AGBL4: variants seen among roughly 807,000 people sequenced by gnomAD.
The protein encoded by AGBL4 is AGBL carboxypeptidase 4.
In AGBL4, 58 loss-of-function variants were observed where a neutral mutation model predicts 66.4. That is an observed-to-expected ratio of 0.87 (90% CI 0.71 to 1.09). AGBL4 has a LOEUF of 1.09. Among genes scored for constraint, AGBL4 ranks in the 50% least tolerant of loss-of-function variants. AGBL4 has a pLI of 0.00. For missense variants in AGBL4, 579 were observed against 631.0 expected (o/e 0.92, Z 0.88); for synonymous variants, 234 against 222.9 (o/e 1.05, Z -0.44).
At chr1:48,690,640 C>T (rs183943800) in intron 6 of AGBL4, among the ~76,000 whole-genome samples, 3 of 151,796 alleles carry the variant, frequency 2.0e-5, no homozygotes, top group Middle Eastern at 3.2e-3. Flanking sequence ...TTTCTACTTA[C>T]GTCCTATTTT....
At chr1:48,783,400 G>A (rs1342650624) in intron 6 of AGBL4, among the ~76,000 whole-genome samples, 1 of 152,142 alleles carries the variant, frequency 6.6e-6, no homozygotes, top group Non-Finnish European at 1.5e-5. Flanking sequence ...AAAGAGAGGA[G>A]CTGCATGTTG....
At chr1:48,586,066 T>C (rs988396519) in intron 11 of AGBL4, 1 of 152,162 alleles carries the variant, frequency 6.6e-6, no homozygotes, top group African/African-American at 2.4e-5. Context: ...AAAGGAGACA[T>C]AGATCAACCC....
chr1:48,898,520 T>C (rs1393125623), intron 5 of AGBL4, among the ~76,000 whole-genome samples: 1 of 152,160 alleles, frequency 6.6e-6, no homozygotes, highest in African/African-American at 2.4e-5. Context: ...CTTCTGCATA[T>C]AGTTATCTAG....
At chr1:49,880,872 T>C (rs889864188) in intron 1 of AGBL4, among the ~76,000 whole-genome samples, 2 of 152,080 alleles carry the variant, frequency 1.3e-5, no homozygotes, top group Non-Finnish European at 2.9e-5. Flanking sequence ...GTGCGCCGTT[T>C]TTTAAGCCGG....
chr1:49,864,268 T>C (rs1439972019), intron 1 of AGBL4, among the ~76,000 whole-genome samples: 6 of 152,138 alleles, frequency 3.9e-5, no homozygotes, highest in Non-Finnish European at 7.3e-5. Context: ...CTGGAAAGGA[T>C]AGTCAGTGGC....
intron 3 of AGBL4, among the ~76,000 whole-genome samples, chr1:49,559,340 A>G (rs998276888): frequency 6.6e-6 from 1 of 152,148 alleles, no homozygotes; most frequent in Non-Finnish European, 1.5e-5. Flanking sequence ...ACCCTCTATG[A>G]GTCTGCAAGA....
At chr1:49,697,760 T>C (rs1647014853) in intron 2 of AGBL4, among the ~76,000 whole-genome samples, 1 of 152,156 alleles carries the variant, frequency 6.6e-6, no homozygotes, top group South Asian at 2.1e-4. Flanking sequence ...AATGGCAAAC[T>C]TTGGTTTCTT....
intron 1 of AGBL4, among the ~76,000 whole-genome samples, chr1:49,935,468 T>C: frequency 6.6e-6 from 1 of 152,178 alleles, no homozygotes; most frequent in Middle Eastern, 3.2e-3. Flanking sequence ...GTCTGACAGC[T>C]TTGAAGAGAG....
chr1:49,670,069 T>C (rs200327074), intron 3 of AGBL4, among the ~76,000 whole-genome samples: 20 of 151,980 alleles, frequency 1.3e-4, no homozygotes, highest in East Asian at 7.7e-4. Context: ...TCAACACAAG[T>C]ATAAATTTGA....
intron 3 of AGBL4, among the ~76,000 whole-genome samples, chr1:49,397,990 G>C (rs2148605365): frequency 6.6e-6 from 1 of 152,270 alleles, no homozygotes; most frequent in Middle Eastern, 3.4e-3. Context: ...CAAGTACTGT[G>C]CAGAAAATCT....
intron 1 of AGBL4, among the ~76,000 whole-genome samples, chr1:49,967,945 C>T (rs535704946): frequency 1.3e-5 from 2 of 152,140 alleles, no homozygotes; most frequent in Admixed American, 6.5e-5. Flanking sequence ...CCATCAGGGC[C>T]GGGCATGGTG....
chr1:49,992,142 C>A (rs947243772), intron 1 of AGBL4, among the ~76,000 whole-genome samples: 2 of 152,040 alleles, frequency 1.3e-5, no homozygotes, highest in East Asian at 3.9e-4. Flanking sequence ...GAGGTCAAGG[C>A]GGGCAGATCA....
At chr1:49,522,256 C>G (rs1199693621) in intron 3 of AGBL4, among the ~76,000 whole-genome samples, 1 of 151,952 alleles carries the variant, frequency 6.6e-6, no homozygotes, top group Non-Finnish European at 1.5e-5. Context: ...GTTTCGTAAG[C>G]TCTCTGAGCC....
At chr1:49,654,687 TTG>T (rs1646083526) in intron 3 of AGBL4, among the ~76,000 whole-genome samples, 5 of 152,228 alleles carry the variant, frequency 3.3e-5, no homozygotes, top group Admixed American at 3.3e-4. Flanking sequence ...ATGGCCTTCT[TTG>T]TCTCTCTTGA....
intron 3 of AGBL4, among the ~76,000 whole-genome samples, chr1:49,671,582 G>C (rs1379041465): frequency 6.6e-6 from 1 of 152,018 alleles, no homozygotes; most frequent in Non-Finnish European, 1.5e-5. Flanking sequence ...TGCAAACTAT[G>C]CATCTGACAA....
intron 1 of AGBL4, among the ~76,000 whole-genome samples, chr1:49,962,797 G>C (rs1657224429): frequency 6.6e-6 from 1 of 152,064 alleles, no homozygotes; most frequent in Admixed American, 6.6e-5. Flanking sequence ...TAAAATCATT[G>C]AATTTTAGAG....
chr1:49,211,511 C>T (rs1190465696), intron 4 of AGBL4, among the ~76,000 whole-genome samples: 1 of 152,098 alleles, frequency 6.6e-6, no homozygotes, highest in Non-Finnish European at 1.5e-5. Context: ...TGTGAAAATG[C>T]AGGCACAGTT....
At chr1:48,645,781 TATA>T (rs1461206179) in intron 8 of AGBL4, among the ~76,000 whole-genome samples, 3 of 152,152 alleles carry the variant, frequency 2.0e-5, no homozygotes, top group Non-Finnish European at 1.5e-5. Context: ...CTATTACCAT[TATA>T]ATGATATCCT....
At position 49,812,628 on chromosome 1, in the gene AGBL4, T is replaced by C. The variant is rs75563819; in HGVS notation, c.157+38768A>G. 1.5e-4 allele frequency among the ~76,000 whole-genome samples: 23 copies of C among 152,316 alleles called. No homozygotes were observed. In the East Asian group the frequency reaches 4.2e-3, roughly 28 times the overall value. On this transcript the variant is annotated intron_variant, in intron 2 of 13. Coordinates refer to ENST00000371839, the MANE Select transcript of AGBL4 (RefSeq NM_032785.4). ...TTAGAGGAAGGAACACTGGACTAGCTGGTCATTCTAGAAATGTAGACCACT... is the reference window on the plus strand; with the variant it reads ...TTAGAGGAAGGAACACTGGACTAGCCGGTCATTCTAGAAATGTAGACCACT...
Sources: allele counts gnomAD v4.1 joint callset (sites outside exome capture counted in the v4.1 genomes callset), GRCh38; gene constraint gnomAD v4.1.1; transcripts MANE v1.5; gene names NCBI Gene and HGNC (gene_info 2026-07-23, HGNC 2026-07-21).